SBF2: variants seen among roughly 807,000 people sequenced by gnomAD.
SBF2 encodes SET binding factor 2, also known as myotubularin-related protein 13.
SBF2 carries 112 observed loss-of-function variants against 225.2 expected under a neutral mutation model. The observed-to-expected ratio is 0.50, with a 90% confidence interval of 0.43 to 0.58. SBF2 has a LOEUF of 0.58. Ranked by LOEUF, SBF2 falls within the 20% of genes least tolerant of loss-of-function variation. The pLI, the probability that SBF2 is intolerant of heterozygous loss-of-function variation, is 0.00. For synonymous variants in SBF2, 763 were observed against 773.3 expected (o/e 0.99, Z 0.22); for missense variants, 1,996 against 2,206.2 (o/e 0.90, Z 1.91).
chr11:10,217,428 C>A (rs903301837), intron 1 of SBF2, among the ~76,000 whole-genome samples: 7 of 152,158 alleles, frequency 4.6e-5, no homozygotes, highest in African/African-American at 1.7e-4. Context: ...ACAAAACACA[C>A]ACACTCAAGT....
rs1955805967 is a variant in SBF2 at position 10,162,712 on chromosome 11, C to T, written c.141+31190G>A. On this transcript the variant is annotated intron_variant, in intron 2 of 39. Transcript: ENST00000256190. ...TGGCATGCAGTTAAACAGACAGGCT[C>T]TATTTAAAACATTGAATGAACAGAA... is the stretch of plus-strand genomic sequence containing the variant. 3.3e-5 allele frequency among the ~76,000 whole-genome samples: 5 copies of T among 152,094 alleles called. No individual in the cohort carries two copies. The South Asian group carries it at 1.0e-3, about 32-fold the overall frequency.
intron 1 of SBF2, among the ~76,000 whole-genome samples, chr11:10,212,833 C>T (rs1211201593): frequency 6.6e-6 from 1 of 152,144 alleles, no homozygotes; most frequent in Non-Finnish European, 1.5e-5. Flanking sequence ...AGGCAGATCA[C>T]GAGGTCAAGA....
chr11:10,036,354 ATAC>A (rs1160166961), intron 3 of SBF2, among the ~76,000 whole-genome samples: 8 of 152,172 alleles, frequency 5.3e-5, no homozygotes, highest in African/African-American at 1.9e-4. Context: ...TGGCACATGT[ATAC>A]CTATGTAACA....
chr11:9,851,975 G>A (rs1480822522), intron 21 of SBF2, among the ~76,000 whole-genome samples: 1 of 152,156 alleles, frequency 6.6e-6, no homozygotes, highest in East Asian at 1.9e-4. Context: ...GTTTCATCAT[G>A]TTGCCCAGGC....
At chr11:9,823,423 G>A (rs1354096042) in intron 28 of SBF2, among the ~76,000 whole-genome samples, 3 of 148,890 alleles carry the variant, frequency 2.0e-5, no homozygotes, top group East Asian at 3.9e-4. Flanking sequence ...AAGACTGTAC[G>A]ACAATGAAAA....
At chr11:9,850,553 A>G (rs1036844486) in intron 21 of SBF2, among the ~76,000 whole-genome samples, 2 of 152,140 alleles carry the variant, frequency 1.3e-5, no homozygotes, top group African/African-American at 4.8e-5. Flanking sequence ...CCACCATAGA[A>G]AAGTATTTTA....
In SBF2 at chr11:9,993,824, C is replaced by T. The variant is rs367641630; in HGVS notation, c.1053+97G>A. ...TTTGGGGCACTTTTTACTCTGCTGT[C>T]CATCTAACTCTAACTTCACTTAGCT... On this transcript the variant is annotated intron_variant, in intron 10 of 39. Coordinates refer to ENST00000256190, the MANE Select transcript of SBF2 (RefSeq NM_030962.4). The T allele has an allele frequency of 3.3e-5, 42 of 1,280,236 alleles. No homozygotes were observed. The African/African-American group carries it at 5.1e-4, about 15-fold the overall frequency. 79.3% of individuals were successfully genotyped at this position (1,280,236 alleles called of 1,614,324 possible).
chr11:9,888,017 C>T (rs1468604977), intron 17 of SBF2, among the ~76,000 whole-genome samples: 1 of 152,104 alleles, frequency 6.6e-6, no homozygotes, highest in African/African-American at 2.4e-5. Flanking sequence ...GCCACAATCT[C>T]AATACTATGA....
intron 16 of SBF2, among the ~76,000 whole-genome samples, chr11:9,938,650 T>G (rs1030829034): frequency 6.6e-6 from 1 of 152,120 alleles, no homozygotes; most frequent in African/African-American, 2.4e-5. Flanking sequence ...AGTAGGAAAA[T>G]GACAAATTAT....
intron 2 of SBF2, among the ~76,000 whole-genome samples, chr11:10,171,610 T>C (rs113141262): frequency 0.011 from 1,630 of 152,342 alleles, 14 homozygotes; most frequent in Non-Finnish European, 0.015. Context: ...TTTTTTGCTG[T>C]GTCTTTGCCT....
chr11:9,798,743 G>C (rs540035113), intron 32 of SBF2, among the ~76,000 whole-genome samples: 10 of 152,082 alleles, frequency 6.6e-5, no homozygotes, highest in African/African-American at 2.4e-4. Flanking sequence ...TCAGGAGATT[G>C]AGACCATCCT....
chr11:10,268,310 C>T (rs1199062311), intron 1 of SBF2, among the ~76,000 whole-genome samples: 1 of 152,068 alleles, frequency 6.6e-6, no homozygotes, highest in Non-Finnish European at 1.5e-5. Flanking sequence ...AAACAAGAAT[C>T]TTCCATTTTA....
intron 16 of SBF2, chr11:9,959,208 G>T: frequency 1.3e-6 from 1 of 781,048 alleles, no homozygotes; most frequent in Non-Finnish European, 2.4e-6. Context: ...ATTTCCACTG[G>T]GCAGGCATGA....
intron 13 of SBF2, among the ~76,000 whole-genome samples, chr11:9,983,896 G>T (rs1947073955): frequency 6.6e-6 from 1 of 152,214 alleles, no homozygotes; most frequent in Admixed American, 6.5e-5. Context: ...TACACCAAGA[G>T]AACACTCTGT....
chr11:10,106,094 T>C (rs1952538260), intron 2 of SBF2, among the ~76,000 whole-genome samples: 1 of 152,158 alleles, frequency 6.6e-6, no homozygotes. Context: ...GGTATATTGC[T>C]TGATGCTGAG....
intron 1 of SBF2, among the ~76,000 whole-genome samples, chr11:10,196,866 A>ATATATTTTTTTTT: frequency 3.0e-5 from 3 of 99,314 alleles, no homozygotes; most frequent in African/African-American, 8.1e-5. Context: ...ATATATATAT[A>ATATATTTTTTTTT]TTTTTTTTTT....
At chr11:9,992,297 G>T in intron 12 of SBF2, 118 bp downstream of exon 12, 2 of 739,522 alleles carry the variant, frequency 2.7e-6, no homozygotes, top group Admixed American at 3.3e-5. Flanking sequence ...ATAACATTGG[G>T]ATTATTTAAT....
At chr11:9,971,085 G>C (rs1051318675) in intron 13 of SBF2, among the ~76,000 whole-genome samples, 4 of 151,846 alleles carry the variant, frequency 2.6e-5, no homozygotes, top group African/African-American at 9.7e-5. Flanking sequence ...TATTGGGTAG[G>C]TATCTTTTTT....
intron 1 of SBF2, among the ~76,000 whole-genome samples, chr11:10,203,583 A>C (rs1957642054): frequency 6.6e-6 from 1 of 152,176 alleles, no homozygotes; most frequent in African/African-American, 2.4e-5. Context: ...GCAAACAAAA[A>C]TCACTAGGCA....
Sources: gnomAD v4.1 joint callset for allele counts (sites outside exome capture counted in the v4.1 genomes callset) on GRCh38, gnomAD v4.1.1 for gene constraint, MANE v1.5 for transcripts, NCBI Gene and HGNC (gene_info 2026-07-23, HGNC 2026-07-21) for gene names.